The following WDFY2 variants were observed in gnomAD, a reference collection of about 807,000 sequenced individuals.
WDFY2 encodes WD repeat and FYVE domain containing 2.
A neutral mutation model predicts 56.4 loss-of-function variants in WDFY2; 36 were observed. The ratio of observed to expected loss-of-function variants is 0.64; its 90% confidence interval spans 0.49 to 0.84. The LOEUF (loss-of-function observed/expected upper bound fraction) is 0.84, where lower values mean the gene tolerates loss of function less well. Among genes scored for constraint, WDFY2 ranks in the 40% least tolerant of loss-of-function variants. The pLI is 0.00. For missense variants in WDFY2, 444 were observed against 512.2 expected (o/e 0.87, Z 1.29); for synonymous variants, 176 against 183.7 (o/e 0.96, Z 0.34).
chr13:51,693,542 G>A (rs1951793471), intron 3 of WDFY2, among the ~76,000 whole-genome samples: 2 of 152,292 alleles, frequency 1.3e-5, no homozygotes, highest in South Asian at 4.1e-4. Flanking sequence ...ACTGTGGTCT[G>A]AGAGACAGTT....
intron 1 of WDFY2, among the ~76,000 whole-genome samples, chr13:51,604,895 G>A (rs1954355984): frequency 6.6e-6 from 1 of 152,202 alleles, no homozygotes; most frequent in Admixed American, 6.5e-5. Context: ...TTACTGAGAG[G>A]TAGCATAGTT....
intron 4 of WDFY2, among the ~76,000 whole-genome samples, chr13:51,714,189 G>A (rs1228538632): frequency 4.0e-5 from 6 of 151,608 alleles, no homozygotes; most frequent in Non-Finnish European, 8.8e-5. Flanking sequence ...ATAGTTTAAT[G>A]GTCCAATAAA....
At chr13:51,752,325 A>G (rs1953255704) in intron 8 of WDFY2, among the ~76,000 whole-genome samples, 3 of 152,338 alleles carry the variant, frequency 2.0e-5, no homozygotes, top group East Asian at 1.9e-4. Context: ...AATGATCATT[A>G]CTGTTAGAAG....
chr13:51,618,335 T>A (rs1413253072), intron 1 of WDFY2, among the ~76,000 whole-genome samples: 1 of 152,192 alleles, frequency 6.6e-6, no homozygotes, highest in Non-Finnish European at 1.5e-5. Flanking sequence ...AGCAATGATA[T>A]TGATAATAAA....
intron 3 of WDFY2, among the ~76,000 whole-genome samples, chr13:51,680,782 A>G (rs951292555): frequency 6.6e-5 from 10 of 152,168 alleles, no homozygotes; most frequent in Non-Finnish European, 4.4e-5. Context: ...ACTAAGTGAT[A>G]TCTTGAATAG....
chr13:51,706,651 C>T (rs1172930191), intron 4 of WDFY2, among the ~76,000 whole-genome samples: 2 of 152,166 alleles, frequency 1.3e-5, no homozygotes, highest in Non-Finnish European at 2.9e-5. Flanking sequence ...CCAGTTATAA[C>T]ATGCTGGAAC....
At chr13:51,690,161 T>A (rs758799265) in intron 3 of WDFY2, among the ~76,000 whole-genome samples, 9 of 148,216 alleles carry the variant, frequency 6.1e-5, no homozygotes, top group East Asian at 2.0e-4. Flanking sequence ...ATTTAAAAAA[T>A]TTTTCCATTT....
rs757979367 is a variant in WDFY2, at chr13:51,755,383, C to G, written c.857C>G (p.Ser286Cys). The G allele has an allele frequency of 1.2e-5, 20 of 1,614,052 alleles. No homozygotes were observed. The Middle Eastern group carries it at 8.2e-4, about 66-fold the overall frequency. ...ACCCCTGAATGGTTGGACAGTGATT[C>G]CTGCCAAAAGTGTGATCAGCCTTTC... ...QETPEWLDSD[S>C]CQKCDQPFFW... The change falls in exon 9 of 12, where the codon TCC becomes TGC. Residue 286 changes from serine (S) to cysteine (C), a missense_variant. Coordinates refer to ENST00000298125, the MANE Select transcript of WDFY2 (RefSeq NM_052950.4).
chr13:51,767,321 C>CTTGA lies in WDFY2; in HGVS notation c.*7554_*7557dup, dbSNP rs1329549624. On this transcript the variant is annotated 3_prime_UTR_variant, in exon 12 of 12. Coordinates refer to ENST00000298125, the MANE Select transcript of WDFY2 (RefSeq NM_052950.4). ...TGCAGTTAAATGGAGCTGGTGCTTG[C>CTTGA]TTGATAGCGCCTCCTTTTGTCAGAA... The CTTGA allele has an allele frequency of 1.5e-4, 23 of 152,354 alleles. 1 individual carries two copies. Among genetic ancestry groups the CTTGA allele is most frequent in the African/African-American group, 5.3e-4 (22 of 41,576 alleles). The allele number at this position is 152,354 out of a possible 1,614,324, so 9.4% of individuals were successfully genotyped here.
rs1459698456 is a variant in WDFY2 at position 51,675,298 on chromosome 13, T to C, written c.279+55T>C. The C allele has an allele frequency of 3.4e-6, 5 of 1,465,590 alleles. No homozygotes were observed. The African/African-American group carries it at 7.1e-5, about 21-fold the overall frequency. 90.8% of individuals were successfully genotyped at this position (1,465,590 alleles called of 1,614,324 possible). ...GAAATACTTCCCTTCCTGTGGAGTA[T>C]GTATATGTATTTATTAGTTTTTTCA... On this transcript the variant is annotated intron_variant, in intron 3 of 11. Coordinates refer to ENST00000298125, the MANE Select transcript of WDFY2 (RefSeq NM_052950.4).
intron 1 of WDFY2, 136 bp downstream of exon 1, chr13:51,584,960 G>C (rs1180301732): frequency 1.6e-6 from 2 of 1,241,834 alleles, no homozygotes; most frequent in African/African-American, 3.0e-5. Context: ...TGCGCATCCT[G>C]GTGGTGCCGG....
chr13:51,638,046 T>C lies in WDFY2; in HGVS notation c.138-22550T>C, dbSNP rs1043063174. ...CTCACTCCAGATGGAGTCACTCTGGTTTGAATGCCTCTGACAAGAGTAGTT... is the reference window on the plus strand; with the variant it reads ...CTCACTCCAGATGGAGTCACTCTGGCTTGAATGCCTCTGACAAGAGTAGTT... On this transcript the variant is annotated intron_variant, in intron 1 of 11. Coordinates refer to ENST00000298125, the MANE Select transcript of WDFY2 (RefSeq NM_052950.4). Among the ~76,000 whole-genome samples the C allele has an allele frequency of 2.6e-5, 4 of 152,154 alleles. No individual in the cohort carries two copies. The East Asian group carries it at 7.7e-4, about 29-fold the overall frequency.
At chr13:51,623,508 A>AAG (rs1954781166) in intron 1 of WDFY2, among the ~76,000 whole-genome samples, 1 of 152,154 alleles carries the variant, frequency 6.6e-6, no homozygotes, top group African/African-American at 2.4e-5. Flanking sequence ...TGCCTAAGGT[A>AAG]AGAGTTCCAT....
intron 1 of WDFY2, among the ~76,000 whole-genome samples, chr13:51,637,859 G>A (rs960565966): frequency 6.6e-6 from 1 of 152,188 alleles, no homozygotes; most frequent in Non-Finnish European, 1.5e-5. Context: ...AGCAAAATTA[G>A]GAATGCTTTT....
intron 3 of WDFY2, among the ~76,000 whole-genome samples, chr13:51,692,593 T>A (rs1951765451): frequency 6.6e-6 from 1 of 152,246 alleles, no homozygotes; most frequent in African/African-American, 2.4e-5. Context: ...GGATTCGGTT[T>A]GCCAGTATTT....
At chr13:51,605,856 G>T (rs765592045) in intron 1 of WDFY2, among the ~76,000 whole-genome samples, 1 of 152,176 alleles carries the variant, frequency 6.6e-6, no homozygotes, top group African/African-American at 2.4e-5. Flanking sequence ...TATAGGAAAT[G>T]GGAAGAGGAC....
chr13:51,680,820 G>A (rs1955965402), intron 3 of WDFY2, among the ~76,000 whole-genome samples: 1 of 152,176 alleles, frequency 6.6e-6, no homozygotes, highest in African/African-American at 2.4e-5. Context: ...TGGTGGCAGA[G>A]CTAGGACTTC....
At chr13:51,713,661 C>A (rs989871915) in intron 4 of WDFY2, among the ~76,000 whole-genome samples, 1 of 151,914 alleles carries the variant, frequency 6.6e-6, no homozygotes, top group African/African-American at 2.4e-5. Context: ...TCACCTGAGG[C>A]CAGAAGTTCA....
In WDFY2 at chr13:51,607,786, C is replaced by T. The variant is rs529762590; in HGVS notation, c.137+22962C>T. The stretch of plus-strand genomic sequence containing the variant: ...TGATAGGCTGAATGATGAGGCCCCC[C>T]AACATGTCTATGTCCTAGTCCCCAG... On this transcript the variant is annotated intron_variant, in intron 1 of 11. Transcript: ENST00000298125. 2.0e-5 allele frequency among the ~76,000 whole-genome samples: 3 copies of T among 152,274 alleles called. No homozygotes were observed. In the East Asian group the frequency reaches 5.8e-4, roughly 29 times the overall value.
Sources: gnomAD v4.1 joint callset for allele counts (sites outside exome capture counted in the v4.1 genomes callset) on GRCh38, gnomAD v4.1.1 for gene constraint, MANE v1.5 for transcripts, NCBI Gene and HGNC (gene_info 2026-07-23, HGNC 2026-07-21) for gene names.